BTBD9: variants seen among roughly 807,000 people sequenced by gnomAD.
BTBD9 encodes the protein BTB/POZ domain-containing protein 9.
A neutral mutation model predicts 64.3 loss-of-function variants in BTBD9; 49 were observed. That is an observed-to-expected ratio of 0.76 (90% CI 0.61 to 0.97). BTBD9 has a LOEUF of 0.97. Ranked by LOEUF, BTBD9 falls within the 50% of genes least tolerant of loss-of-function variation. The pLI, the probability that BTBD9 is intolerant of heterozygous loss-of-function variation, is 0.00. For missense variants in BTBD9, 598 were observed against 762.1 expected (o/e 0.78, Z 2.53); for synonymous variants, 260 against 274.7 (o/e 0.95, Z 0.53).
chr6:38,199,225 G>A (rs967115981), intron 9 of BTBD9, among the ~76,000 whole-genome samples: 4 of 152,126 alleles, frequency 2.6e-5, no homozygotes, highest in African/African-American at 9.7e-5. Flanking sequence ...GAGTTACATG[G>A]AAGTCATATC....
chr6:38,320,240 C>G (rs774489976), intron 7 of BTBD9, among the ~76,000 whole-genome samples: 2 of 152,190 alleles, frequency 1.3e-5, no homozygotes, highest in African/African-American at 2.4e-5. Flanking sequence ...TGTGACCACT[C>G]ACCTGATTTT....
intron 6 of BTBD9, among the ~76,000 whole-genome samples, chr6:38,399,954 G>A (rs1468768274): frequency 4.0e-5 from 6 of 151,518 alleles, no homozygotes; most frequent in African/African-American, 1.2e-4. Flanking sequence ...TAGAGACGGG[G>A]TTTCTCTATG....
chr6:38,599,338 T>G (rs896803567), intron 1 of BTBD9, among the ~76,000 whole-genome samples: 1 of 152,160 alleles, frequency 6.6e-6, no homozygotes, highest in Non-Finnish European at 1.5e-5. Flanking sequence ...CAGGCTGTAG[T>G]GCAGTGGCGT....
At chr6:38,603,612 T>C (rs1295405834) in intron 1 of BTBD9, among the ~76,000 whole-genome samples, 2 of 152,236 alleles carry the variant, frequency 1.3e-5, no homozygotes, top group African/African-American at 2.4e-5. Flanking sequence ...TTTTTTAGAA[T>C]TAAAGTTTAT....
At chr6:38,227,045 A>AT (rs1763419538) in intron 9 of BTBD9, among the ~76,000 whole-genome samples, 1 of 152,202 alleles carries the variant, frequency 6.6e-6, no homozygotes, top group Admixed American at 6.5e-5. Context: ...GGCTGGGGCA[A>AT]TGTGAGGGTT....
chr6:38,464,382 G>GAA, intron 6 of BTBD9, among the ~76,000 whole-genome samples: 1 of 147,180 alleles, frequency 6.8e-6, no homozygotes, highest in African/African-American at 2.5e-5. Context: ...TTGCATTCAT[G>GAA]AAAAAAAAAA....
intron 6 of BTBD9, among the ~76,000 whole-genome samples, chr6:38,558,823 CAAGGATATTGGCCTGT>C (rs1285870237): frequency 6.6e-6 from 1 of 152,102 alleles, no homozygotes; most frequent in Non-Finnish European, 1.5e-5. Context: ...CTATGTTCAC[CAAGGATATTGGCCTGT>C]AGTTTTCTTT....
intron 6 of BTBD9, among the ~76,000 whole-genome samples, chr6:38,439,120 T>C (rs1396904920): frequency 1.4e-5 from 2 of 146,362 alleles, no homozygotes; most frequent in Admixed American, 6.8e-5. Flanking sequence ...CTTTTTTTTT[T>C]TTTTTTTTTT....
At position 38,440,907 on chromosome 6, in the gene BTBD9, T is replaced by G. The variant is rs113176705; in HGVS notation, c.1155-95814A>C. ...TACAGCATTGGCCAAATCTAGAATT[T>G]TTTTTGATATTGAGTACTAAGTTAG... On this transcript the variant is annotated intron_variant, in intron 6 of 10. Transcript: ENST00000481247. 7.3e-3 allele frequency among the ~76,000 whole-genome samples: 1,114 copies of G among 152,330 alleles called. 9 individuals are homozygous for G. The highest frequency in any genetic ancestry group is 0.025 in the African/African-American group (1,054 of 41,562).
At chr6:38,571,309 A>C (rs1775755956) in intron 6 of BTBD9, among the ~76,000 whole-genome samples, 2 of 152,256 alleles carry the variant, frequency 1.3e-5, no homozygotes, top group Admixed American at 6.5e-5. Flanking sequence ...GCAGAGGTGT[A>C]GGGAACAAAA....
intron 7 of BTBD9, among the ~76,000 whole-genome samples, chr6:38,313,161 T>C (rs1479828390): frequency 6.6e-6 from 1 of 152,210 alleles, no homozygotes; most frequent in African/African-American, 2.4e-5. Flanking sequence ...GTAGCTATTG[T>C]AAATAAGATT....
At chr6:38,301,667 C>T (rs1352094332) in intron 7 of BTBD9, among the ~76,000 whole-genome samples, 1 of 152,148 alleles carries the variant, frequency 6.6e-6, no homozygotes, top group South Asian at 2.1e-4. Context: ...ATAGTATTCT[C>T]TCATTGTAGT....
At chr6:38,230,446 G>C (rs374976448) in intron 9 of BTBD9, among the ~76,000 whole-genome samples, 1 of 132,896 alleles carries the variant, frequency 7.5e-6, no homozygotes, top group African/African-American at 2.8e-5. Context: ...GGTGAGCCGA[G>C]ATCGTGACAT....
At chr6:38,487,603 G>C (rs930553959) in intron 6 of BTBD9, among the ~76,000 whole-genome samples, 6 of 147,096 alleles carry the variant, frequency 4.1e-5, no homozygotes, top group Admixed American at 3.4e-4. Flanking sequence ...GAGAGAGAGA[G>C]AGAGAGAGAG....
Position 38,587,476 on chromosome 6 carries a change from C to T in BTBD9, c.814+5100G>A, listed in dbSNP as rs1398590392. On this transcript the variant is annotated intron_variant, in intron 4 of 10. Transcript: ENST00000481247. ...ACGAGTTTTCAGGGGAAAACTTCTG[C>T]GTAATGTTGAAGTAACAATAAAGTA... The T allele has an allele frequency of 1.3e-5, 7 of 546,418 alleles. No individual in the cohort carries two copies. In the Admixed American group the frequency reaches 1.4e-4, roughly 11 times the overall value. The allele number at this position is 546,418 out of a possible 1,614,324, so 33.8% of individuals were successfully genotyped here.
At chr6:38,323,647 C>T (rs1489613322) in intron 7 of BTBD9, among the ~76,000 whole-genome samples, 3 of 152,188 alleles carry the variant, frequency 2.0e-5, no homozygotes, top group Admixed American at 6.5e-5. Context: ...AGAGAAAACA[C>T]ACCATTTTGT....
At chr6:38,396,165 C>T (rs1191442928) in intron 6 of BTBD9, among the ~76,000 whole-genome samples, 1 of 152,138 alleles carries the variant, frequency 6.6e-6, no homozygotes, top group Non-Finnish European at 1.5e-5. Flanking sequence ...TAGCCTTTAT[C>T]ATGAAAACAA....
intron 7 of BTBD9, among the ~76,000 whole-genome samples, chr6:38,302,489 A>ATATATATATATATATATATATC (rs1762445728): frequency 3.5e-5 from 1 of 28,310 alleles, no homozygotes; most frequent in Non-Finnish European, 7.6e-5. Context: ...GTGTATGTAT[A>ATATATATATATATATATATATC]TATATATATA....
At chr6:38,188,299 A>C (rs1271486120) in intron 10 of BTBD9, among the ~76,000 whole-genome samples, 1 of 152,228 alleles carries the variant, frequency 6.6e-6, no homozygotes, top group Non-Finnish European at 1.5e-5. Flanking sequence ...GCTAGCTGCT[A>C]CTTACACACT....
Sources: gnomAD v4.1 joint callset for allele counts (sites outside exome capture counted in the v4.1 genomes callset) on GRCh38, gnomAD v4.1.1 for gene constraint, MANE v1.5 for transcripts, NCBI Gene and HGNC (gene_info 2026-07-23, HGNC 2026-07-21) for gene names.